SPMIP10: variants seen among roughly 807,000 people sequenced by gnomAD.
SPMIP10 encodes the protein sperm microtubule inner protein 10.
At chr5:126,633,818 C>A in the SPMIP10 span, among the ~76,000 whole-genome samples, 1 of 151,978 alleles carries the variant, frequency 6.6e-6, no homozygotes, top group Non-Finnish European at 1.5e-5. Context: ...CACATGCCAC[C>A]ATGCCCGGAG....
chr5:126,635,591 C>T, the SPMIP10 span, among the ~76,000 whole-genome samples: 1 of 152,170 alleles, frequency 6.6e-6, no homozygotes, highest in Non-Finnish European at 1.5e-5. Flanking sequence ...CACTGACCCA[C>T]AAAGCATTGC....
At chr5:126,634,859 G>A in the SPMIP10 span, among the ~76,000 whole-genome samples, 181 of 152,112 alleles carry the variant, frequency 1.2e-3, no homozygotes, top group African/African-American at 4.1e-3. Context: ...GTTAAAAACT[G>A]CATCTAACAA....
the SPMIP10 span, chr5:126,631,864 GCAACCTGGGAGCCACAAA>G: frequency 8.9e-5 from 111 of 1,251,490 alleles, no homozygotes; most frequent in Non-Finnish European, 1.3e-4. Flanking sequence ...TGCTTGTTTT[GCAACCTGGGAGCCACAAA>G]GATACGGTCA....
chr5:126,632,926 G>T, the SPMIP10 span, among the ~76,000 whole-genome samples: 3 of 150,652 alleles, frequency 2.0e-5, no homozygotes, highest in South Asian at 6.2e-4. Flanking sequence ...GGCAGAGGTT[G>T]CAGTAAGCCA....
the SPMIP10 span, chr5:126,632,457 T>G: frequency 1.3e-6 from 1 of 753,832 alleles, no homozygotes; most frequent in African/African-American, 1.7e-5. Flanking sequence ...GGACCAAACA[T>G]GAATGCACAA....
chr5:126,633,008 C>CATATACATATATATATATATATATAT, the SPMIP10 span, among the ~76,000 whole-genome samples: 61 of 125,304 alleles, frequency 4.9e-4, no homozygotes, highest in African/African-American at 2.1e-3. Flanking sequence ...ATAAATTTTA[C>CATATACATATATATATATATATATAT]ATATATATAT....
At chr5:126,634,633 ATCAAAACACTT>A in the SPMIP10 span, among the ~76,000 whole-genome samples, 1 of 152,204 alleles carries the variant, frequency 6.6e-6, no homozygotes, top group Non-Finnish European at 1.5e-5. Context: ...TTTTGATTGC[ATCAAAACACTT>A]ATTCTTGACC....
the SPMIP10 span, among the ~76,000 whole-genome samples, chr5:126,635,171 A>AATATATATATAT: frequency 7.3e-3 from 1,025 of 140,148 alleles, 13 homozygotes; most frequent in Middle Eastern, 0.018. Context: ...CCGTCTGTGA[A>AATATATATATAT]ATATATATAT....
the SPMIP10 span, among the ~76,000 whole-genome samples, chr5:126,634,243 C>G: frequency 6.6e-6 from 1 of 152,058 alleles, no homozygotes; most frequent in Admixed American, 6.6e-5. Flanking sequence ...ACCAGCCTGG[C>G]CAACATGGTG....
At chr5:126,634,387 C>T in the SPMIP10 span, among the ~76,000 whole-genome samples, 1 of 152,154 alleles carries the variant, frequency 6.6e-6, no homozygotes, top group Non-Finnish European at 1.5e-5. Flanking sequence ...CCAGATCACG[C>T]CACTGCACTC....
the SPMIP10 span, among the ~76,000 whole-genome samples, chr5:126,634,227 T>C: frequency 6.6e-6 from 1 of 151,304 alleles, no homozygotes; most frequent in Non-Finnish European, 1.5e-5. Flanking sequence ...AGTTCAGGAG[T>C]TCAAGACCAG....
At chr5:126,632,911 C>T in the SPMIP10 span, among the ~76,000 whole-genome samples, 61 of 150,704 alleles carry the variant, frequency 4.0e-4, no homozygotes, top group Non-Finnish European at 6.8e-4. Context: ...CTCTTGAACC[C>T]GAGAGGCAGA....
chr5:126,631,955 G>A, the SPMIP10 span: 1 of 617,528 alleles, frequency 1.6e-6, no homozygotes, highest in Non-Finnish European at 2.9e-6. Flanking sequence ...GGAAATATGT[G>A]TGCAGGGAAA....
chr5:126,633,418 T>C, the SPMIP10 span, among the ~76,000 whole-genome samples: 1 of 152,156 alleles, frequency 6.6e-6, no homozygotes, highest in African/African-American at 2.4e-5. Context: ...TGGAGTGCAG[T>C]GGCGTGATCA....
the SPMIP10 span, among the ~76,000 whole-genome samples, chr5:126,633,283 GC>G: frequency 1.3e-5 from 2 of 152,002 alleles, no homozygotes; most frequent in Admixed American, 1.3e-4. Flanking sequence ...AGATAGAGAG[GC>G]ATGGGAATAT....
the SPMIP10 span, among the ~76,000 whole-genome samples, chr5:126,632,899 A>G: frequency 6.6e-6 from 1 of 151,494 alleles, no homozygotes; most frequent in Non-Finnish European, 1.5e-5. Flanking sequence ...AGGCATGAGA[A>G]TCTCTTGAAC....
the SPMIP10 span, among the ~76,000 whole-genome samples, chr5:126,632,244 G>A: frequency 1.5e-3 from 164 of 109,412 alleles, 2 homozygotes; most frequent in Middle Eastern, 0.015. Flanking sequence ...GCATGATAAT[G>A]CACTCCATCT....
the SPMIP10 span, chr5:126,631,799 GTC>G: frequency 1.9e-5 from 30 of 1,610,464 alleles, no homozygotes; most frequent in Admixed American, 2.8e-4. Flanking sequence ...TCTGATGAGA[GTC>G]TCTATAAATC....
the SPMIP10 span, among the ~76,000 whole-genome samples, chr5:126,632,060 G>C: frequency 0.025 from 3,751 of 151,798 alleles, 70 homozygotes; most frequent in African/African-American, 0.034. Context: ...TAGGCAGTCG[G>C]TAGGCCTGAG....
Sources: allele counts gnomAD v4.1 joint callset (sites outside exome capture counted in the v4.1 genomes callset), GRCh38; gene constraint gnomAD v4.1.1; transcripts MANE v1.5; gene names NCBI Gene and HGNC (gene_info 2026-07-23, HGNC 2026-07-21).